The following MYT1L variants were observed in gnomAD, a reference collection of about 807,000 sequenced individuals.
MYT1L encodes the protein myelin transcription factor 1 like, also known as myelin transcription factor 1-like protein.
A neutral mutation model predicts 126.7 loss-of-function variants in MYT1L; 12 were observed. The observed-to-expected ratio is 0.09, with a 90% CI of 0.06 to 0.15. MYT1L has a LOEUF of 0.15. Among genes scored for constraint, MYT1L ranks in the 10% least tolerant of loss-of-function variants. The probability of loss-of-function intolerance (pLI) is 1.00; values close to 1 mark genes in which losing one functional copy is unlikely to be tolerated. For missense variants in MYT1L, 979 were observed against 1,585.2 expected (o/e 0.62, Z 6.49); for synonymous variants, 541 against 604.2 (o/e 0.90, Z 1.53).
chr2:2,130,884 ACAAGAAACCCAGG>A (rs1446861892), intron 3 of MYT1L, among the ~76,000 whole-genome samples: 1 of 152,202 alleles, frequency 6.6e-6, no homozygotes, highest in African/African-American at 2.4e-5. Context: ...TGAAATTTCA[ACAAGAAACCCAGG>A]CAAGAAAAAA....
At chr2:2,074,052 T>C (rs564187677) in intron 3 of MYT1L, among the ~76,000 whole-genome samples, 2 of 152,326 alleles carry the variant, frequency 1.3e-5, no homozygotes, top group South Asian at 4.1e-4. Context: ...AGGAAATCAT[T>C]CAATGAATGT....
At position 1,910,402 on chromosome 2, in the gene MYT1L, A is replaced by G; in HGVS notation, c.1710-55T>C. ...CCCGCCTCAAACACCTTCACAGCAC[A>G]CTAATCCTCCCTTAGCACCAAGACC... On this transcript the variant is annotated intron_variant, in intron 12 of 24. Coordinates refer to ENST00000647738, the MANE Select transcript of MYT1L (RefSeq NM_001303052.2). This position sits in a 1 kb window ranked among gnomAD's most constrained non-coding sequence, Gnocchi z 4.8. The G allele has an allele frequency of 6.7e-7, 1 of 1,484,804 alleles. No individual in the cohort carries two copies. The highest frequency in any genetic ancestry group is 9.3e-7 in the Non-Finnish European group (1 of 1,074,692). 92.0% of individuals were successfully genotyped at this position (1,484,804 alleles called of 1,614,324 possible). A position where few individuals can be genotyped will look rare whatever the true frequency, so the allele number is the denominator to read the frequency against.
intron 8 of MYT1L, among the ~76,000 whole-genome samples, chr2:1,957,460 T>C (rs888924007): frequency 3.9e-5 from 6 of 152,096 alleles, no homozygotes; most frequent in Non-Finnish European, 5.9e-5. Flanking sequence ...CAAAGCTCAT[T>C]AGATTGTTCT....
rs141092910 is a variant in MYT1L, at chr2:1,889,561, C to A, written c.2284-84G>T. The stretch of plus-strand genomic sequence containing the variant: ...CCTTCCTCCCAGATTACAGTCCTGC[C>A]GTCAGCCAGTGTAGCGTTCAACACA... On this transcript the variant is annotated intron_variant, in intron 15 of 24. Transcript: ENST00000647738. The surrounding 1 kb of genome is among the most constrained non-coding windows in gnomAD (Gnocchi z 4.1). 15 of 1,144,218 alleles carry A rather than the reference C, an allele frequency of 1.3e-5. No homozygotes were observed. The highest frequency in any genetic ancestry group is 1.7e-5 in the Non-Finnish European group (14 of 809,254). The allele number at this position is 1,144,218 out of a possible 1,614,324, so 70.9% of individuals were successfully genotyped here.
chr2:1,855,000 G>A (rs1558767255), intron 18 of MYT1L, among the ~76,000 whole-genome samples: 1 of 152,154 alleles, frequency 6.6e-6, no homozygotes, highest in Non-Finnish European at 1.5e-5. Flanking sequence ...CCGTCTTTAG[G>A]TGGTGCTTCT....
rs146957163 is a variant in MYT1L at position 2,151,815 on chromosome 2, G to C, written c.-304+21057C>G. Reference sequence around the variant, plus strand: ...TCATGCCTGTAATCCCAGCACTTTGGGAGGCCAAGGTGGGTGATCACCTGA... The same window carrying C: ...TCATGCCTGTAATCCCAGCACTTTGCGAGGCCAAGGTGGGTGATCACCTGA... On this transcript the variant is annotated intron_variant, in intron 3 of 24. Transcript: ENST00000647738. Among the ~76,000 whole-genome samples, 1,109 of 152,286 alleles carry C rather than the reference G, an allele frequency of 7.3e-3. 3 individuals are homozygous for C. Among genetic ancestry groups the C allele is most frequent in the Non-Finnish European group, 0.012 (821 of 68,036 alleles).
chr2:1,933,517 A>G (rs2055311805), intron 9 of MYT1L, among the ~76,000 whole-genome samples: 2 of 152,242 alleles, frequency 1.3e-5, no homozygotes, highest in African/African-American at 4.8e-5. Context: ...TTTGGATTCA[A>G]AGAAAGAGGA....
intron 21 of MYT1L, among the ~76,000 whole-genome samples, chr2:1,814,385 TC>T (rs1184942883): frequency 1.3e-5 from 2 of 152,168 alleles, no homozygotes; most frequent in Non-Finnish European, 2.9e-5. Context: ...GAGCGCAGCC[TC>T]CCGGGACGTG....
chr2:2,003,407 G>A (rs1445669745), intron 4 of MYT1L, among the ~76,000 whole-genome samples: 2 of 152,120 alleles, frequency 1.3e-5, no homozygotes, highest in Non-Finnish European at 2.9e-5. Flanking sequence ...GTCCAGGTTT[G>A]CCCACCGTCA....
In MYT1L at chr2:1,889,013, A is replaced by G. The variant is rs947989722; in HGVS notation, c.2520+228T>C. Among the ~76,000 whole-genome samples the G allele has an allele frequency of 6.6e-5, 10 of 152,244 alleles. No individual in the cohort carries two copies. Among genetic ancestry groups the G allele is most frequent in the Non-Finnish European group, 1.0e-4 (7 of 68,040 alleles). On this transcript the variant is annotated intron_variant, in intron 16 of 24. Transcript: ENST00000647738. The surrounding 1 kb of genome is among the most constrained non-coding windows in gnomAD (Gnocchi z 4.1). The stretch of plus-strand genomic sequence containing the variant: ...TGTAACAAAACATATTTGTTAGAAA[A>G]TAAACTTTATCATTTACAAGAGTCA...
intron 21 of MYT1L, among the ~76,000 whole-genome samples, chr2:1,834,170 C>T (rs909809715): frequency 9.2e-5 from 14 of 152,324 alleles, no homozygotes; most frequent in East Asian, 1.9e-4. Context: ...TGCTTCTAAC[C>T]GCTGCTTTGT....
chr2:2,097,211 C>T (rs2077542792), intron 3 of MYT1L, among the ~76,000 whole-genome samples: 1 of 152,160 alleles, frequency 6.6e-6, no homozygotes, highest in Admixed American at 6.5e-5. Context: ...GCAGGAACTC[C>T]CTCTGCTTCT....
intron 3 of MYT1L, among the ~76,000 whole-genome samples, chr2:2,095,974 G>A (rs1381751851): frequency 1.3e-5 from 2 of 152,148 alleles, no homozygotes; most frequent in African/African-American, 2.4e-5. Flanking sequence ...GTGGACACGC[G>A]TGGGATGTTC....
At chr2:1,810,315 T>G (rs1314766672) in intron 21 of MYT1L, among the ~76,000 whole-genome samples, 1 of 152,078 alleles carries the variant, frequency 6.6e-6, no homozygotes, top group Non-Finnish European at 1.5e-5. Context: ...AATTTTTGTA[T>G]TTTTAGTAGA....
intron 2 of MYT1L, among the ~76,000 whole-genome samples, chr2:2,180,826 G>A (rs892740177): frequency 6.8e-6 from 1 of 146,848 alleles, no homozygotes. Context: ...GTGTGTACCT[G>A]TGTGTGCACC....
intron 2 of MYT1L, among the ~76,000 whole-genome samples, chr2:2,175,129 T>G (rs1364195553): frequency 1.4e-4 from 21 of 152,000 alleles, no homozygotes; most frequent in Admixed American, 1.3e-3. Flanking sequence ...AAATGTCCTC[T>G]CTGAGAAGGG....
chr2:1,895,346 G>C (rs1056254399), intron 14 of MYT1L, among the ~76,000 whole-genome samples: 3 of 152,172 alleles, frequency 2.0e-5, no homozygotes, highest in Admixed American at 6.5e-5. Flanking sequence ...TACAGAGTTA[G>C]AAAAACAATG....
intron 3 of MYT1L, among the ~76,000 whole-genome samples, chr2:2,158,232 T>C (rs936371048): frequency 6.6e-6 from 1 of 151,780 alleles, no homozygotes; most frequent in African/African-American, 2.4e-5. Flanking sequence ...GCCCTGGCCC[T>C]TGCTAGGCAG....
intron 2 of MYT1L, among the ~76,000 whole-genome samples, chr2:2,192,801 T>C (rs926656406): frequency 2.6e-5 from 4 of 152,120 alleles, no homozygotes; most frequent in Non-Finnish European, 5.9e-5. Context: ...CACCACAGAA[T>C]GGCCCCTCCT....
Sources: gnomAD v4.1 joint callset for allele counts (sites outside exome capture counted in the v4.1 genomes callset) on GRCh38, gnomAD v4.1.1 for gene constraint, Gnocchi (gnomAD v3.1) non-coding constraint, MANE v1.5 for transcripts, NCBI Gene and HGNC (gene_info 2026-07-23, HGNC 2026-07-21) for gene names.